ARHGEF33: variants seen among roughly 807,000 people sequenced by gnomAD.
The protein encoded by ARHGEF33 is DH and coiled-coil domain-containing protein ENSP00000381780.
ARHGEF33 carries 72 observed loss-of-function variants against 101.9 expected under a neutral mutation model. The ratio of observed to expected loss-of-function variants is 0.71; its 90% CI spans 0.58 to 0.86. The LOEUF is 0.86. Ranked by LOEUF, ARHGEF33 falls within the 40% of genes least tolerant of loss-of-function variation. ARHGEF33 has a pLI of 0.00. For missense variants in ARHGEF33, 1,169 were observed against 1,111.3 expected, an observed-to-expected ratio of 1.05 and a Z score of -0.74; for synonymous variants, 499 against 442.5, an observed-to-expected ratio of 1.13 and a Z score of -1.60.
chr2:38,915,195 A>AT (rs1666604755), intron 2 of ARHGEF33, among the ~76,000 whole-genome samples: 1 of 152,042 alleles, frequency 6.6e-6, no homozygotes, highest in African/African-American at 2.4e-5. Context: ...ATGCTATAAT[A>AT]TAGGTGGGAA....
At chr2:38,973,681 A>C (rs973307673) in intron 17 of ARHGEF33, 33 bp from the exon 18 acceptor site, 2 of 1,479,086 alleles carry the variant, frequency 1.4e-6, no homozygotes, top group Admixed American at 2.4e-5. Context: ...AAACCAAATC[A>C]ACCTGTACTT....
chr2:38,943,783 T>C (rs1416173008), intron 9 of ARHGEF33, 118 bp from the exon 10 acceptor site: 1 of 1,056,574 alleles, frequency 9.5e-7, no homozygotes, highest in Non-Finnish European at 1.3e-6. Context: ...TTCAAAAACT[T>C]GCAGATGGTT....
At chr2:38,899,714 C>A (rs1558422346) in intron 2 of ARHGEF33, among the ~76,000 whole-genome samples, 1 of 151,958 alleles carries the variant, frequency 6.6e-6, no homozygotes, top group Admixed American at 6.6e-5. Context: ...ATGTTCTCAC[C>A]ACAACAATGA....
intron 1 of ARHGEF33, among the ~76,000 whole-genome samples, chr2:38,892,985 A>G (rs1666038555): frequency 6.6e-6 from 1 of 152,146 alleles, no homozygotes; most frequent in Non-Finnish European, 1.5e-5. Flanking sequence ...ACCTCTGCTT[A>G]AACATTTTCA....
intron 12 of ARHGEF33, 125 bp downstream of exon 12, chr2:38,953,370 C>A: frequency 1.6e-6 from 1 of 625,916 alleles, no homozygotes; most frequent in Non-Finnish European, 2.9e-6. Flanking sequence ...CTGAACACAG[C>A]CACTAATACC....
At chr2:38,926,084 ATTTC>A (rs1375408646) in intron 4 of ARHGEF33, among the ~76,000 whole-genome samples, 1 of 152,166 alleles carries the variant, frequency 6.6e-6, no homozygotes, top group African/African-American at 2.4e-5. Flanking sequence ...CCTCTCCCCT[ATTTC>A]TTTGAGCCTA....
rs1667113476 is a variant in ARHGEF33 at position 38,935,741 on chromosome 2, T to A, written c.506-34T>A. 3.2e-6 allele frequency: 5 copies of A among 1,540,784 alleles called. No individual in the cohort carries two copies. The African/African-American group carries it at 6.9e-5, about 21-fold the overall frequency. ...AGGTGCTTAGTCCATGTTAGTGGAA[T>A]GAACGCTGAATGAATGCTTTCCTTT... is the stretch of plus-strand genomic sequence containing the variant. On this transcript the variant is annotated intron_variant, in intron 7 of 17. Coordinates refer to ENST00000409978, the MANE Select transcript of ARHGEF33 (RefSeq NM_001145451.5).
At chr2:38,970,402 G>C (rs10172714) in intron 17 of ARHGEF33, among the ~76,000 whole-genome samples, 143,427 of 152,338 alleles carry the variant, frequency 0.94, 67,627 homozygotes, top group African/African-American at 0.98. Context: ...CCATTGATAA[G>C]TTTATCTCAC....
intron 13 of ARHGEF33, among the ~76,000 whole-genome samples, chr2:38,954,870 G>C (rs1198243173): frequency 6.6e-6 from 1 of 152,152 alleles, no homozygotes; most frequent in Admixed American, 6.5e-5. Context: ...CTGACCTCAA[G>C]TGATCTGCCC....
intron 10 of ARHGEF33, among the ~76,000 whole-genome samples, chr2:38,945,705 C>A (rs540736384): frequency 6.8e-4 from 104 of 152,336 alleles, no homozygotes; most frequent in African/African-American, 2.2e-3. Flanking sequence ...AAGCCAGCAG[C>A]GTCTCTTCTT....
At chr2:38,945,976 C>T (rs570185937) in intron 10 of ARHGEF33, among the ~76,000 whole-genome samples, 2 of 152,314 alleles carry the variant, frequency 1.3e-5, no homozygotes, top group East Asian at 3.9e-4. Context: ...ATACCACTTC[C>T]CCAAAGCCAC....
At chr2:38,973,651 A>C (rs1474139782) in intron 17 of ARHGEF33, 63 bp from the exon 18 acceptor site, 1 of 1,419,794 alleles carries the variant, frequency 7.0e-7, no homozygotes, top group Non-Finnish European at 9.3e-7. Flanking sequence ...GGGATAGATA[A>C]AAATATTTGA....
chr2:38,906,235 A>C (rs750034999), intron 2 of ARHGEF33, among the ~76,000 whole-genome samples: 1 of 151,754 alleles, frequency 6.6e-6, no homozygotes, highest in African/African-American at 2.4e-5. Context: ...CAGGATTGCT[A>C]TCTAACTATC....
chr2:38,912,321 C>T (rs948773117), intron 2 of ARHGEF33, among the ~76,000 whole-genome samples: 4 of 152,196 alleles, frequency 2.6e-5, no homozygotes, highest in Admixed American at 2.6e-4. Context: ...TGAAGAATTA[C>T]TAGGCTCAGA....
At chr2:38,908,420 A>T (rs1241752691) in intron 2 of ARHGEF33, among the ~76,000 whole-genome samples, 2 of 152,164 alleles carry the variant, frequency 1.3e-5, no homozygotes, top group Non-Finnish European at 2.9e-5. Flanking sequence ...ATAAGTTTTT[A>T]TGTCTTCAAT....
chr2:38,918,623 C>T (rs1296677869), intron 2 of ARHGEF33, among the ~76,000 whole-genome samples: 2 of 152,128 alleles, frequency 1.3e-5, no homozygotes, highest in Non-Finnish European at 2.9e-5. Flanking sequence ...CTAAGCATTT[C>T]CTGGGTGCAA....
At chr2:38,970,411 A>G (rs1668141920) in intron 17 of ARHGEF33, among the ~76,000 whole-genome samples, 1 of 152,152 alleles carries the variant, frequency 6.6e-6, no homozygotes, top group Non-Finnish European at 1.5e-5. Context: ...AGTTTATCTC[A>G]CCTATTCTGT....
intron 9 of ARHGEF33, among the ~76,000 whole-genome samples, chr2:38,942,229 A>G (rs946808110): frequency 1.5e-5 from 2 of 134,436 alleles, no homozygotes; most frequent in Non-Finnish European, 3.1e-5. Flanking sequence ...GTGCAGTGGC[A>G]TGATCTTGAC....
chr2:38,911,589 A>T (rs921029720), intron 2 of ARHGEF33, among the ~76,000 whole-genome samples: 5 of 152,182 alleles, frequency 3.3e-5, no homozygotes, highest in Non-Finnish European at 5.9e-5. Flanking sequence ...CTTATTATTT[A>T]AAAAAATTTT....
Sources: allele counts gnomAD v4.1 joint callset (sites outside exome capture counted in the v4.1 genomes callset), GRCh38; gene constraint gnomAD v4.1.1; transcripts MANE v1.5; gene names NCBI Gene and HGNC (gene_info 2026-07-23, HGNC 2026-07-21).